Variants in NUTF2 observed in about 807,000 individuals in gnomAD.
NUTF2 encodes placental protein 15.
Under a neutral mutation model 18.5 loss-of-function variants are expected in NUTF2, and 3 were observed. That is an observed-to-expected ratio of 0.16 (90% confidence interval 0.07 to 0.42). The LOEUF (loss-of-function observed/expected upper bound fraction) is 0.42. NUTF2 is among the 10% of genes least tolerant of loss of function. The pLI is 0.99. For synonymous variants in NUTF2, 51 were observed against 57.9 expected, an observed-to-expected ratio of 0.88 and a Z score of 0.54; for missense variants, 44 against 160.7, an observed-to-expected ratio of 0.27 and a Z score of 3.93.
intron 1 of NUTF2, chr16:67,856,238 G>A (rs1487444218): frequency 4.8e-6 from 1 of 210,170 alleles, no homozygotes; most frequent in Non-Finnish European, 9.7e-6. Flanking sequence ...TGTCGCCTAG[G>A]CTGGAGTGCC....
intron 1 of NUTF2, among the ~76,000 whole-genome samples, chr16:67,857,131 G>A (rs1200896328): frequency 6.6e-6 from 1 of 152,204 alleles, no homozygotes; most frequent in Non-Finnish European, 1.5e-5. Flanking sequence ...CATTAGGGGA[G>A]CCAAGTCCAT....
At chr16:67,850,884 T>A (rs1184757256) in intron 1 of NUTF2, among the ~76,000 whole-genome samples, 1 of 151,984 alleles carries the variant, frequency 6.6e-6, no homozygotes, top group Non-Finnish European at 1.5e-5. Flanking sequence ...CACTGCAACC[T>A]CCGCCTCCTG....
intron 1 of NUTF2, among the ~76,000 whole-genome samples, chr16:67,856,469 C>T (rs8056280): frequency 0.029 from 4,374 of 150,450 alleles, 204 homozygotes; most frequent in African/African-American, 0.1. Flanking sequence ...GGATTACAGG[C>T]GTGAGCCACC....
intron 1 of NUTF2, among the ~76,000 whole-genome samples, chr16:67,859,774 G>A (rs2057922421): frequency 1.3e-5 from 2 of 149,522 alleles, no homozygotes; most frequent in South Asian, 2.1e-4. Flanking sequence ...GAAATTACAG[G>A]CGTGAGCCAC....
At chr16:67,856,049 A>C in intron 1 of NUTF2, 1 of 755,960 alleles carries the variant, frequency 1.3e-6, no homozygotes, top group Non-Finnish European at 2.4e-6. Flanking sequence ...GCACTCACCC[A>C]CTGTTACGAT....
chr16:67,847,948 C>A (rs573928193), intron 1 of NUTF2: 1 of 152,194 alleles, frequency 6.6e-6, no homozygotes, highest in Non-Finnish European at 1.5e-5. Context: ...CTTTGTGGGG[C>A]CCTCCCGAAG....
chr16:67,868,828 A>G (rs764107459), intron 4 of NUTF2: 1 of 412,036 alleles, frequency 2.4e-6, no homozygotes, highest in Non-Finnish European at 4.5e-6. Flanking sequence ...CTAGCCATAT[A>G]GAACATTTTT....
intron 1 of NUTF2, among the ~76,000 whole-genome samples, chr16:67,852,924 C>A (rs983337749): frequency 6.6e-6 from 1 of 152,108 alleles, no homozygotes; most frequent in Non-Finnish European, 1.5e-5. Flanking sequence ...CTCAGGTGAT[C>A]CACCCACCTT....
intron 2 of NUTF2, among the ~76,000 whole-genome samples, chr16:67,866,530 A>G (rs1463357081): frequency 1.3e-5 from 2 of 151,900 alleles, no homozygotes; most frequent in African/African-American, 4.8e-5. Context: ...CAGTGGTGCA[A>G]TCTTGGCTCA....
chr16:67,850,925 C>T (rs1299511514), intron 1 of NUTF2, among the ~76,000 whole-genome samples: 10 of 151,968 alleles, frequency 6.6e-5, no homozygotes, highest in African/African-American at 2.4e-4. Flanking sequence ...CTCAGCCACC[C>T]GAGTAGCTGA....
chr16:67,850,191 G>C (rs1375006773), intron 1 of NUTF2, among the ~76,000 whole-genome samples: 2 of 151,442 alleles, frequency 1.3e-5, no homozygotes, highest in Non-Finnish European at 1.5e-5. Context: ...CCAACCTCTA[G>C]AAGTTCCCTG....
intron 4 of NUTF2, chr16:67,868,871 G>T (rs1474727944): frequency 3.1e-6 from 1 of 323,986 alleles, no homozygotes; most frequent in Non-Finnish European, 5.9e-6. Context: ...GCAGACACTG[G>T]TCTAGAGCCT....
chr16:67,855,884 TGGCGGGGG>T, intron 1 of NUTF2: 1 of 291,152 alleles, frequency 3.4e-6, no homozygotes, highest in Non-Finnish European at 6.0e-6. Context: ...GATTTTTTTT[TGGCGGGGG>T]GGGGGGATGG....
intron 1 of NUTF2, among the ~76,000 whole-genome samples, chr16:67,859,484 G>C (rs1883353211): frequency 1.3e-5 from 2 of 151,858 alleles, no homozygotes; most frequent in South Asian, 4.2e-4. Flanking sequence ...TGAGTAGCTG[G>C]GATTACAGGG....
At chr16:67,854,291 G>T (rs1475208760) in intron 1 of NUTF2, among the ~76,000 whole-genome samples, 1 of 152,180 alleles carries the variant, frequency 6.6e-6, no homozygotes, top group Non-Finnish European at 1.5e-5. Context: ...GCATGGGTTT[G>T]TGGCTTCTCC....
intron 1 of NUTF2, chr16:67,856,185 C>G: frequency 3.1e-6 from 1 of 324,812 alleles, no homozygotes. Flanking sequence ...GCATCTCGGC[C>G]AGTTTTTTTT....
At chr16:67,856,997 G>T (rs1392612303) in intron 1 of NUTF2, among the ~76,000 whole-genome samples, 1 of 152,242 alleles carries the variant, frequency 6.6e-6, no homozygotes, top group East Asian at 1.9e-4. Flanking sequence ...ACTCACAGGA[G>T]GTGTTCCCTC....
chr16:67,847,096 C>G (rs572116028), intron 1 of NUTF2, 111 bp downstream of exon 1: 2 of 150,142 alleles, frequency 1.3e-5, no homozygotes, highest in East Asian at 4.0e-4. Flanking sequence ...CCTCCCCCCC[C>G]CCCGGCGGCC....
At chr16:67,854,195 C>A (rs947931072) in intron 1 of NUTF2, among the ~76,000 whole-genome samples, 1 of 152,172 alleles carries the variant, frequency 6.6e-6, no homozygotes, top group Admixed American at 6.5e-5. Context: ...TTGGTCTGCC[C>A]GCCTTGGCCT....
Sources: gnomAD v4.1 joint callset for allele counts (sites outside exome capture counted in the v4.1 genomes callset) on GRCh38, gnomAD v4.1.1 for gene constraint, MANE v1.5 for transcripts, NCBI Gene and HGNC (gene_info 2026-07-23, HGNC 2026-07-21) for gene names.